Variants in CNKSR3 observed in about 807,000 individuals in gnomAD.
CNKSR3 encodes the protein CNKSR family member 3.
Under a neutral mutation model 67.7 loss-of-function variants are expected in CNKSR3, and 36 were observed. That is an observed-to-expected ratio of 0.53 (90% CI 0.41 to 0.70). CNKSR3 has a LOEUF of 0.70. Among genes scored for constraint, CNKSR3 ranks in the 30% least tolerant of loss-of-function variants. The pLI is 0.00. For synonymous variants in CNKSR3, 281 were observed against 271.4 expected (o/e 1.04, Z -0.35); for missense variants, 630 against 695.2 (o/e 0.91, Z 1.05).
chr6:154,479,985 C>A (rs1255562170), intron 1 of CNKSR3, among the ~76,000 whole-genome samples: 1 of 152,102 alleles, frequency 6.6e-6, no homozygotes, highest in Non-Finnish European at 1.5e-5. Flanking sequence ...CCTTGTGGGG[C>A]AGGAACAGAG....
Position 154,433,481 on chromosome 6 carries a change from A to ATCC in CNKSR3, c.531_533dup (p.Glu177dup). The ATCC allele has an allele frequency of 6.3e-7, 1 of 1,589,282 alleles. No individual in the cohort carries two copies. The highest frequency in any genetic ancestry group is 8.6e-7 in the Non-Finnish European group (1 of 1,162,768). On this transcript the variant is annotated inframe_insertion, in exon 5 of 13. Coordinates refer to ENST00000607772, the MANE Select transcript of CNKSR3 (RefSeq NM_173515.4). The stretch of plus-strand genomic sequence containing the variant: ...GTATACTTACCACAGTTAAAACTTT[A>ATCC]TCCTCCATTTCCGCTACAAAGCAAT...
rs1787190791 is a variant in CNKSR3, at chr6:154,510,334, C to T, written c.-220G>A. 1 of 552,564 alleles carries T rather than the reference C, an allele frequency of 1.8e-6. No homozygotes were observed. Among genetic ancestry groups the T allele is most frequent in the Admixed American group, 3.6e-5 (1 of 28,070 alleles). 34.2% of individuals were successfully genotyped at this position (552,564 alleles called of 1,614,324 possible). A position where few individuals can be genotyped will look rare whatever the true frequency, so the allele number is the denominator to read the frequency against. On this transcript the variant is annotated 5_prime_UTR_variant, in exon 1 of 13. Coordinates refer to ENST00000607772, the MANE Select transcript of CNKSR3 (RefSeq NM_173515.4). Reference sequence around the variant, plus strand: ...CAGCTGCCACAGTCCAGCTGCAGCTCCTCCTTCCCCCGCCGCCGCCGGGAT... The same window carrying T: ...CAGCTGCCACAGTCCAGCTGCAGCTTCTCCTTCCCCCGCCGCCGCCGGGAT...
intron 2 of CNKSR3, among the ~76,000 whole-genome samples, chr6:154,443,776 T>C (rs1172606737): frequency 2.0e-5 from 3 of 152,172 alleles, no homozygotes; most frequent in African/African-American, 7.2e-5. Flanking sequence ...GGAGGATCGC[T>C]TGAGCCCAGG....
chr6:154,448,486 A>G (rs1355154667), intron 2 of CNKSR3, among the ~76,000 whole-genome samples: 1 of 151,606 alleles, frequency 6.6e-6, no homozygotes, highest in Non-Finnish European at 1.5e-5. Context: ...GGATGCTTAG[A>G]TGTCTGGGCA....
chr6:154,479,318 C>A (rs1582893319), intron 1 of CNKSR3, among the ~76,000 whole-genome samples: 1 of 152,176 alleles, frequency 6.6e-6, no homozygotes, highest in Non-Finnish European at 1.5e-5. Flanking sequence ...GAAGTGAGAG[C>A]CTCCCATGTC....
intron 5 of CNKSR3, 63 bp from the exon 6 acceptor site, chr6:154,430,654 A>AT: frequency 6.7e-7 from 1 of 1,492,410 alleles, no homozygotes; most frequent in South Asian, 1.2e-5. Context: ...TCTCAAGCTG[A>AT]TTTTTAGAGA....
At chr6:154,442,514 C>A in intron 2 of CNKSR3, among the ~76,000 whole-genome samples, 1 of 151,944 alleles carries the variant, frequency 6.6e-6, no homozygotes. Flanking sequence ...CCCAGCTACT[C>A]GGGAGGCTGA....
At chr6:154,445,764 T>G (rs1276498883) in intron 2 of CNKSR3, among the ~76,000 whole-genome samples, 1 of 152,124 alleles carries the variant, frequency 6.6e-6, no homozygotes, top group Non-Finnish European at 1.5e-5. Flanking sequence ...GTTTGCTCTT[T>G]TTCTTCCCCA....
At chr6:154,410,262 T>C in intron 12 of CNKSR3, 81 bp downstream of exon 12, 3 of 943,852 alleles carry the variant, frequency 3.2e-6, no homozygotes, top group South Asian at 1.4e-5. Context: ...TTATAACACA[T>C]TTAGAAACAG....
Position 154,389,630 on chromosome 6 carries a change from A to G in CNKSR3, c.*16724T>C, listed in dbSNP as rs1784585258. ...TGTTTTGTCCCTGTCTTCAGATGAC[A>G]TCGTCTCATATATAGAACGCCCTAA... On this transcript the variant is annotated 3_prime_UTR_variant, in exon 13 of 13. Coordinates refer to ENST00000607772, the MANE Select transcript of CNKSR3 (RefSeq NM_173515.4). 1 of 152,182 alleles carries G rather than the reference A, an allele frequency of 6.6e-6. No individual in the cohort carries two copies. Among genetic ancestry groups the G allele is most frequent in the Non-Finnish European group, 1.5e-5 (1 of 68,030 alleles). 9.4% of individuals were successfully genotyped at this position (152,182 alleles called of 1,614,324 possible). A position where few individuals can be genotyped will look rare whatever the true frequency, so the allele number is the denominator to read the frequency against.
Position 154,437,475 on chromosome 6 carries a change from G to A in CNKSR3, c.507+3817C>T, listed in dbSNP as rs180766573. Among the ~76,000 whole-genome samples, 35 of 148,136 alleles carry A rather than the reference G, an allele frequency of 2.4e-4. 1 individual carries two copies. The highest frequency in any genetic ancestry group is 1.1e-3 in the South Asian group (5 of 4,638). ...TTCACCCACGCTGGAGTGAAGTGGC[G>A]CGATCTTGGCTGACTGCAACCTCCG... On this transcript the variant is annotated intron_variant, in intron 4 of 12. Transcript: ENST00000607772.
chr6:154,460,849 C>T (rs1023281042), intron 1 of CNKSR3, among the ~76,000 whole-genome samples: 12 of 152,186 alleles, frequency 7.9e-5, no homozygotes, highest in Admixed American at 3.9e-4. Context: ...AGAACCAACT[C>T]GGCACAGAGA....
intron 1 of CNKSR3, among the ~76,000 whole-genome samples, chr6:154,458,147 C>A (rs1785998103): frequency 1.3e-5 from 2 of 152,108 alleles, no homozygotes; most frequent in African/African-American, 4.8e-5. Context: ...TCCCACAGAG[C>A]CTAAAATATT....
Position 154,389,863 on chromosome 6 carries a change from C to T in CNKSR3, c.*16491G>A, listed in dbSNP as rs987575936. ...ACTAAGGAGGTGAAAGACTTGTATACTGAAAACTACAAAATACTGATGAAA... is the reference window on the plus strand; with the variant it reads ...ACTAAGGAGGTGAAAGACTTGTATATTGAAAACTACAAAATACTGATGAAA... On this transcript the variant is annotated 3_prime_UTR_variant, in exon 13 of 13. Transcript: ENST00000607772. The T allele has an allele frequency of 2.8e-4, 42 of 152,104 alleles. No homozygotes were observed. Among genetic ancestry groups the T allele is most frequent in the African/African-American group, 9.9e-4 (41 of 41,404 alleles). The allele number at this position is 152,104 out of a possible 1,614,324, so 9.4% of individuals were successfully genotyped here. A position where few individuals can be genotyped will look rare whatever the true frequency, so the allele number is the denominator to read the frequency against.
At chr6:154,496,293 G>C (rs1562358246) in intron 1 of CNKSR3, among the ~76,000 whole-genome samples, 1 of 152,188 alleles carries the variant, frequency 6.6e-6, no homozygotes, top group African/African-American at 2.4e-5. Flanking sequence ...CTGGCTGTTT[G>C]AAGGTAATAG....
rs1050983360 is a variant in CNKSR3 at position 154,387,594 on chromosome 6, T to C, written c.*18760A>G. The C allele has an allele frequency of 2.0e-5, 3 of 152,236 alleles. No homozygotes were observed. Among genetic ancestry groups the C allele is most frequent in the Non-Finnish European group, 4.4e-5 (3 of 68,038 alleles). The allele number at this position is 152,236 out of a possible 1,614,324, so 9.4% of individuals were successfully genotyped here. A position where few individuals can be genotyped will look rare whatever the true frequency, so the allele number is the denominator to read the frequency against. ...GTTAAGAAAAGCAGGAATGTTTATCTAGTTCATGGTCCATGATAACCACAG... is the reference window on the plus strand; with the variant it reads ...GTTAAGAAAAGCAGGAATGTTTATCCAGTTCATGGTCCATGATAACCACAG... On this transcript the variant is annotated 3_prime_UTR_variant, in exon 13 of 13. Transcript: ENST00000607772.
At chr6:154,424,877 T>C (rs1471995090) in intron 7 of CNKSR3, among the ~76,000 whole-genome samples, 1 of 152,174 alleles carries the variant, frequency 6.6e-6, no homozygotes, top group East Asian at 1.9e-4. Flanking sequence ...GCTCAAGCCA[T>C]TCTCCTGCCT....
At chr6:154,480,316 C>T (rs11155976) in intron 1 of CNKSR3, among the ~76,000 whole-genome samples, 40,697 of 152,044 alleles carry the variant, frequency 0.27, 6,269 homozygotes, top group Non-Finnish European at 0.35. Context: ...AAGCAAGCTC[C>T]GAAGGGCTAA....
intron 7 of CNKSR3, among the ~76,000 whole-genome samples, chr6:154,424,782 T>G (rs932764347): frequency 7.3e-5 from 11 of 151,718 alleles, no homozygotes; most frequent in East Asian, 1.9e-4. Flanking sequence ...TGTTGTTGTT[T>G]TTTGAGACAG....
Sources: gnomAD v4.1 joint callset for allele counts (sites outside exome capture counted in the v4.1 genomes callset) on GRCh38, gnomAD v4.1.1 for gene constraint, MANE v1.5 for transcripts, NCBI Gene and HGNC (gene_info 2026-07-23, HGNC 2026-07-21) for gene names.